The following CDK14 variants were observed in gnomAD, a reference collection of about 807,000 sequenced individuals.
The protein encoded by CDK14 is cyclin dependent kinase 14, also known as cyclin-dependent kinase 14.
Under a neutral mutation model 60.7 loss-of-function variants are expected in CDK14, and 34 were observed. The observed-to-expected ratio is 0.56, with a 90% confidence interval of 0.43 to 0.75. The LOEUF is 0.75. CDK14 is among the 30% of genes least tolerant of loss of function. The pLI, the probability that CDK14 is intolerant of heterozygous loss-of-function variation, is 0.00. For missense variants in CDK14, 482 were observed against 564.1 expected, an observed-to-expected ratio of 0.85 and a Z score of 1.47; for synonymous variants, 197 against 203.7, an observed-to-expected ratio of 0.97 and a Z score of 0.28.
intron 14 of CDK14, among the ~76,000 whole-genome samples, chr7:91,120,790 GC>G (rs779142855): frequency 1.1e-4 from 17 of 152,042 alleles, no homozygotes; most frequent in African/African-American, 4.8e-5. Context: ...ACCCACCTTG[GC>G]CTCCCAAAGT....
At chr7:90,868,773 A>T (rs949990284) in intron 6 of CDK14, among the ~76,000 whole-genome samples, 2 of 152,184 alleles carry the variant, frequency 1.3e-5, no homozygotes, top group Non-Finnish European at 2.9e-5. Flanking sequence ...ATTTTTATGA[A>T]GTATTTTATC....
intron 2 of CDK14, among the ~76,000 whole-genome samples, chr7:90,711,181 A>T (rs979028546): frequency 2.0e-5 from 3 of 152,056 alleles, no homozygotes; most frequent in African/African-American, 7.2e-5. Flanking sequence ...AGATCGCCTG[A>T]TTAGTTGATA....
chr7:90,769,524 T>TCC (rs1804702433), intron 4 of CDK14, among the ~76,000 whole-genome samples: 1 of 151,524 alleles, frequency 6.6e-6, no homozygotes, highest in Non-Finnish European at 1.5e-5. Flanking sequence ...TGGAATACAT[T>TCC]GGCACCATCT....
intron 5 of CDK14, among the ~76,000 whole-genome samples, chr7:90,792,691 G>A (rs1286893232): frequency 6.7e-6 from 1 of 149,908 alleles, no homozygotes; most frequent in Non-Finnish European, 1.5e-5. Flanking sequence ...GTTCTTCCAT[G>A]GACTTCTGTA....
intron 14 of CDK14, among the ~76,000 whole-genome samples, chr7:91,177,831 A>ACATTC (rs1251879709): frequency 3.4e-5 from 5 of 145,478 alleles, no homozygotes; most frequent in African/African-American, 1.3e-4. Flanking sequence ...AAATGGAAGA[A>ACATTC]CATTCCATGC....
intron 11 of CDK14, among the ~76,000 whole-genome samples, chr7:91,048,064 G>A (rs60398582): frequency 6.6e-6 from 1 of 152,214 alleles, no homozygotes; most frequent in African/African-American, 2.4e-5. Context: ...GACAAACTTT[G>A]TTTAATTTTC....
intron 11 of CDK14, among the ~76,000 whole-genome samples, chr7:91,055,558 T>C (rs1330146477): frequency 1.3e-5 from 2 of 152,218 alleles, no homozygotes; most frequent in Non-Finnish European, 2.9e-5. Flanking sequence ...CCAAATAAAC[T>C]GGTTTTATTA....
intron 14 of CDK14, among the ~76,000 whole-genome samples, chr7:91,189,519 A>T (rs1042174356): frequency 2.0e-5 from 3 of 152,216 alleles, no homozygotes; most frequent in African/African-American, 7.2e-5. Flanking sequence ...ATTTCAAAGA[A>T]TGTTATTACT....
chr7:90,880,366 A>G (rs528704043), intron 6 of CDK14, among the ~76,000 whole-genome samples: 1 of 152,236 alleles, frequency 6.6e-6, no homozygotes, highest in East Asian at 1.9e-4. Context: ...ATCCTTCCTC[A>G]GTGGATGGGG....
intron 8 of CDK14, among the ~76,000 whole-genome samples, chr7:90,931,472 A>G (rs1346586325): frequency 1.3e-5 from 2 of 152,196 alleles, no homozygotes; most frequent in East Asian, 3.8e-4. Context: ...TGTGATGTCA[A>G]ACAAGGTGCT....
At chr7:91,027,259 C>T (rs1231698070) in intron 10 of CDK14, among the ~76,000 whole-genome samples, 2 of 152,156 alleles carry the variant, frequency 1.3e-5, no homozygotes, top group Non-Finnish European at 2.9e-5. Context: ...GCTGAGGAAG[C>T]TAAATTAACA....
rs548381630 is a variant in CDK14, at chr7:90,631,670, A to G, written c.123+27421A>G. On this transcript the variant is annotated intron_variant, in intron 2 of 14. Transcript: ENST00000380050. ...CCACAAAGCTCAGAGGCAAAAGAGTAGTGCACAGTGTACACAGTTGGTACT... is the reference window on the plus strand; with the variant it reads ...CCACAAAGCTCAGAGGCAAAAGAGTGGTGCACAGTGTACACAGTTGGTACT... Among the ~76,000 whole-genome samples, 19 of 152,316 alleles carry G rather than the reference A, an allele frequency of 1.2e-4. No homozygotes were observed. The South Asian group carries it at 3.7e-3, about 30-fold the overall frequency.
intron 5 of CDK14, among the ~76,000 whole-genome samples, chr7:90,858,648 C>T (rs944117901): frequency 2.0e-4 from 30 of 152,218 alleles, no homozygotes; most frequent in African/African-American, 6.0e-4. Flanking sequence ...GAAAAGTTCC[C>T]GTGCAGGCTA....
rs145275264 is a variant in CDK14, at chr7:91,184,511, A to C, written c.*29-22654A>C. On this transcript the variant is annotated intron_variant, in intron 14 of 14. Coordinates refer to ENST00000380050, the MANE Select transcript of CDK14 (RefSeq NM_001287135.2). ...TTGTCCAAAGGGGACCAAGGCCCAA[A>C]TGAAGGGAAAGCTGAGAGTCAAAAG... is the stretch of plus-strand genomic sequence containing the variant. Among the ~76,000 whole-genome samples, 560 of 152,314 alleles carry C rather than the reference A, an allele frequency of 3.7e-3. 22 individuals are homozygous for C. The highest frequency in any genetic ancestry group is 0.035 in the Admixed American group (533 of 15,284).
chr7:90,623,075 TTA>T (rs1342320228), intron 2 of CDK14, among the ~76,000 whole-genome samples: 1 of 151,062 alleles, frequency 6.6e-6, no homozygotes. Flanking sequence ...CTTTCTCGTA[TTA>T]TATATATATT....
intron 14 of CDK14, among the ~76,000 whole-genome samples, chr7:91,173,821 C>G (rs570083363): frequency 2.4e-4 from 36 of 152,306 alleles, no homozygotes; most frequent in East Asian, 7.7e-4. Context: ...CACGGAGTCT[C>G]GCTGATTGCT....
At chr7:90,947,905 T>C (rs948414197) in intron 8 of CDK14, among the ~76,000 whole-genome samples, 1 of 152,188 alleles carries the variant, frequency 6.6e-6, no homozygotes, top group African/African-American at 2.4e-5. Context: ...AAATGCAAAG[T>C]ATTTCTCTGA....
chr7:90,781,849 A>G (rs1423841357), intron 4 of CDK14, among the ~76,000 whole-genome samples: 6 of 152,122 alleles, frequency 3.9e-5, no homozygotes, highest in East Asian at 1.9e-4. Context: ...GTCAGGTAGC[A>G]TGATGCCTCC....
chr7:91,039,504 A>G (rs941289548), intron 10 of CDK14, among the ~76,000 whole-genome samples: 1 of 152,106 alleles, frequency 6.6e-6, no homozygotes, highest in Non-Finnish European at 1.5e-5. Context: ...ATTTCCAGCC[A>G]CCCATTCCCC....
Sources: gnomAD v4.1 joint callset for allele counts (sites outside exome capture counted in the v4.1 genomes callset) on GRCh38, gnomAD v4.1.1 for gene constraint, MANE v1.5 for transcripts, NCBI Gene and HGNC (gene_info 2026-07-23, HGNC 2026-07-21) for gene names.